NSUN3: variants seen among roughly 807,000 people sequenced by gnomAD.
NSUN3 encodes the protein NOP2/Sun RNA methyltransferase 3, also known as tRNA (cytosine(34)-C(5))-methyltransferase, mitochondrial.
A neutral mutation model predicts 36.8 loss-of-function variants in NSUN3; 24 were observed. The ratio of observed to expected loss-of-function variants is 0.65; its 90% CI spans 0.47 to 0.92. NSUN3 has a LOEUF of 0.92. NSUN3 is among the 40% of genes least tolerant of loss of function. The pLI is 0.00. For missense variants in NSUN3, 381 were observed against 392.8 expected (o/e 0.97, Z 0.25); for synonymous variants, 146 against 145.2 (o/e 1.01, Z -0.04).
Position 94,084,426 on chromosome 3 carries a change from G to T in NSUN3, c.442G>T (p.Ala148Ser). The change falls in exon 3 of 6, where the codon GCT (alanine) becomes TCT (serine). Residue 148 changes from alanine (A) to serine (S), a missense_variant. Physicochemically the swap from Ala to Ser is moderately conservative, Grantham distance 99. Coordinates refer to ENST00000314622, the MANE Select transcript of NSUN3 (RefSeq NM_022072.5). The stretch of plus-strand genomic sequence containing the variant: ...TGCTGCTCCTGGAGGGAAATCAATA[G>T]CTCTGCTGCAGTGTGCTTGTCCAGG... ...LCAAPGGKSI[A>S]LLQCACPGYL... is the part of the protein sequence containing the mutation. 5 of 1,613,762 alleles carry T rather than the reference G, an allele frequency of 3.1e-6. No individual in the cohort carries two copies. The highest frequency in any genetic ancestry group is 2.2e-5 in the East Asian group (1 of 44,868).
chr3:94,117,534 A>G (rs2077445489), intron 5 of NSUN3, among the ~76,000 whole-genome samples: 1 of 152,150 alleles, frequency 6.6e-6, no homozygotes, highest in South Asian at 2.1e-4. Flanking sequence ...TGGTTCAAAC[A>G]CAAAATGCAT....
At chr3:94,077,569 G>C (rs2077251760) in intron 2 of NSUN3, among the ~76,000 whole-genome samples, 1 of 152,074 alleles carries the variant, frequency 6.6e-6, no homozygotes, top group South Asian at 2.1e-4. Flanking sequence ...ATCTGGTCCT[G>C]GACTTTTTTT....
chr3:94,117,513 C>A (rs572697579), intron 5 of NSUN3, among the ~76,000 whole-genome samples: 1 of 152,170 alleles, frequency 6.6e-6, no homozygotes, highest in South Asian at 2.1e-4. Flanking sequence ...TTAGCAGCTT[C>A]ATTAACTAGG....
chr3:94,099,952 C>G (rs1335191592), intron 5 of NSUN3, among the ~76,000 whole-genome samples: 1 of 152,110 alleles, frequency 6.6e-6, no homozygotes, highest in African/African-American at 2.4e-5. Context: ...AAAGGCAATC[C>G]TTTTATTTCA....
At chr3:94,067,145 C>G (rs555464642) in intron 2 of NSUN3, among the ~76,000 whole-genome samples, 100 of 152,242 alleles carry the variant, frequency 6.6e-4, no homozygotes, top group African/African-American at 2.2e-3. Flanking sequence ...TATACGTGAC[C>G]AAGCCCCAAT....
At chr3:94,116,873 A>G (rs745600132) in intron 5 of NSUN3, among the ~76,000 whole-genome samples, 10 of 152,112 alleles carry the variant, frequency 6.6e-5, no homozygotes, top group Non-Finnish European at 1.3e-4. Context: ...AAACATATAA[A>G]CATTTTTTCA....
At chr3:94,065,920 G>A (rs979888883) in intron 2 of NSUN3, among the ~76,000 whole-genome samples, 15 of 152,052 alleles carry the variant, frequency 9.9e-5, no homozygotes, top group Non-Finnish European at 2.1e-4. Context: ...GAACAAACCC[G>A]TTAAGAGTTT....
At chr3:94,094,096 G>A in intron 3 of NSUN3, 44 bp from the exon 4 acceptor site, 1 of 1,432,402 alleles carries the variant, frequency 7.0e-7, no homozygotes, top group Non-Finnish European at 9.5e-7. Context: ...AAATTTAACA[G>A]TTCCATTGCC....
intron 5 of NSUN3, among the ~76,000 whole-genome samples, chr3:94,120,558 T>C (rs188323857): frequency 2.0e-5 from 3 of 152,350 alleles, no homozygotes; most frequent in African/African-American, 7.2e-5. Flanking sequence ...CTTAGCATAA[T>C]GTTCTCAGGG....
At chr3:94,092,275 G>A (rs1351999850) in intron 3 of NSUN3, among the ~76,000 whole-genome samples, 1 of 152,166 alleles carries the variant, frequency 6.6e-6, no homozygotes, top group Admixed American at 6.5e-5. Flanking sequence ...CTGTAGAGTT[G>A]CCCTGAGAGA....
chr3:94,099,058 G>A (rs1463763724), intron 5 of NSUN3, among the ~76,000 whole-genome samples: 3 of 152,068 alleles, frequency 2.0e-5, no homozygotes, highest in South Asian at 2.1e-4. Flanking sequence ...TATATTACAC[G>A]GGTTGAGTAT....
intron 5 of NSUN3, among the ~76,000 whole-genome samples, chr3:94,096,361 A>C (rs983614170): frequency 1.3e-5 from 2 of 152,090 alleles, no homozygotes; most frequent in Non-Finnish European, 2.9e-5. Context: ...TTCATGTAAC[A>C]CTAAGATATT....
At chr3:94,108,268 A>C (rs2107265463) in intron 5 of NSUN3, among the ~76,000 whole-genome samples, 1 of 152,234 alleles carries the variant, frequency 6.6e-6, no homozygotes, top group South Asian at 2.1e-4. Flanking sequence ...AATTTTTGTT[A>C]GTTTCAATTA....
chr3:94,094,555 G>A (rs1370316630), intron 4 of NSUN3, among the ~76,000 whole-genome samples: 1 of 152,160 alleles, frequency 6.6e-6, no homozygotes, highest in African/African-American at 2.4e-5. Flanking sequence ...GAAAAGATCG[G>A]ATATTATTTG....
Position 94,094,196 on chromosome 3 carries a change from T to G in NSUN3, c.523T>G (p.Leu175Val). ...GAGATTGAGGTGGCTAAGGCAGACG[T>G]TGGAATCTTTCATCCCACAGCCTTT... The part of the protein sequence containing the change: ...SLRLRWLRQT[L>V]ESFIPQPLIN... The change falls in exon 4 of 6, where the codon TTG becomes GTG. Residue 175 changes from leucine to valine, a missense_variant. By Grantham distance (32) the Leu-to-Val change is conservative. Coordinates refer to ENST00000314622, the MANE Select transcript of NSUN3 (RefSeq NM_022072.5). 6.2e-7 allele frequency: 1 copy of G among 1,613,372 alleles called. No homozygotes were observed. The highest frequency in any genetic ancestry group is 8.5e-7 in the Non-Finnish European group (1 of 1,179,508).
intron 2 of NSUN3, among the ~76,000 whole-genome samples, chr3:94,080,888 C>G (rs2077265938): frequency 6.6e-6 from 1 of 152,148 alleles, no homozygotes; most frequent in Admixed American, 6.5e-5. Context: ...GGCTTCCTGG[C>G]TTCAGCACCC....
At chr3:94,101,063 C>T (rs1338153826) in intron 5 of NSUN3, among the ~76,000 whole-genome samples, 2 of 152,064 alleles carry the variant, frequency 1.3e-5, no homozygotes, top group South Asian at 4.1e-4. Context: ...GCGATCATAA[C>T]TCACTGCAGC....
chr3:94,098,115 T>C (rs2077350852), intron 5 of NSUN3, among the ~76,000 whole-genome samples: 1 of 151,972 alleles, frequency 6.6e-6, no homozygotes, highest in Non-Finnish European at 1.5e-5. Flanking sequence ...CTCTTCCCCC[T>C]CTCTTCTCGA....
chr3:94,063,675 C>T (rs903881237), intron 1 of NSUN3: 1 of 153,396 alleles, frequency 6.5e-6, no homozygotes, highest in African/African-American at 2.4e-5. Flanking sequence ...TGGAATGCAG[C>T]TGCTCCATCA....
Sources: gnomAD v4.1 joint callset for allele counts (sites outside exome capture counted in the v4.1 genomes callset) on GRCh38, gnomAD v4.1.1 for gene constraint, MANE v1.5 for transcripts, NCBI Gene and HGNC (gene_info 2026-07-23, HGNC 2026-07-21) for gene names.